The following SIPA1L2 variants were observed in gnomAD, a reference collection of about 807,000 sequenced individuals.
SIPA1L2 encodes the protein signal induced proliferation associated 1 like 2, also known as signal-induced proliferation-associated 1-like protein 2.
Under a neutral mutation model 163.9 loss-of-function variants are expected in SIPA1L2, and 56 were observed. The observed-to-expected ratio is 0.34, with a 90% CI of 0.28 to 0.43. The LOEUF (loss-of-function observed/expected upper bound fraction) is 0.43, where lower values mean the gene tolerates loss of function less well. Among genes scored for constraint, SIPA1L2 ranks in the 20% least tolerant of loss-of-function variants. SIPA1L2 has a pLI of 1.00. For synonymous variants in SIPA1L2, 877 were observed against 865.7 expected (o/e 1.01, Z -0.23); for missense variants, 1,974 against 2,193.5 (o/e 0.90, Z 2.00).
At chr1:232,629,362 G>A (rs1018709602) in intron 1 of SIPA1L2, among the ~76,000 whole-genome samples, 82 of 152,324 alleles carry the variant, frequency 5.4e-4, no homozygotes, top group African/African-American at 1.9e-3. Context: ...TGAGAAGAGC[G>A]CTCGCCGGAG....
intron 1 of SIPA1L2, among the ~76,000 whole-genome samples, chr1:232,620,712 T>C (rs1662758069): frequency 6.6e-6 from 1 of 152,242 alleles, no homozygotes; most frequent in East Asian, 1.9e-4. Flanking sequence ...CTATTCTGAC[T>C]GGCAAACTGC....
At chr1:232,568,288 C>A (rs889578768) in intron 2 of SIPA1L2, among the ~76,000 whole-genome samples, 2 of 152,154 alleles carry the variant, frequency 1.3e-5, no homozygotes, top group African/African-American at 4.8e-5. Flanking sequence ...GGGCCCTCAA[C>A]CTGTGGGATC....
intron 10 of SIPA1L2, among the ~76,000 whole-genome samples, chr1:232,452,147 TC>T (rs1268323286): frequency 2.0e-5 from 3 of 151,858 alleles, no homozygotes; most frequent in African/African-American, 7.3e-5. Flanking sequence ...ATCGTGGACT[TC>T]CTGGGATGGC....
intron 2 of SIPA1L2, among the ~76,000 whole-genome samples, chr1:232,520,858 C>A (rs1461003389): frequency 1.3e-5 from 2 of 152,126 alleles, no homozygotes; most frequent in Non-Finnish European, 2.9e-5. Flanking sequence ...ACCTAAAATG[C>A]ATTTACCAAA....
At chr1:232,538,897 T>C (rs770239044) in intron 2 of SIPA1L2, among the ~76,000 whole-genome samples, 6 of 152,210 alleles carry the variant, frequency 3.9e-5, no homozygotes, top group Non-Finnish European at 5.9e-5. Context: ...CAAGCGTATA[T>C]AGAATATCAT....
At chr1:232,511,459 T>C (rs546466332) in intron 3 of SIPA1L2, among the ~76,000 whole-genome samples, 2 of 152,366 alleles carry the variant, frequency 1.3e-5, no homozygotes, top group East Asian at 3.9e-4. Flanking sequence ...CTGATTCATG[T>C]TGTCATAATG....
chr1:232,591,249 C>T (rs1215582638), intron 1 of SIPA1L2, among the ~76,000 whole-genome samples: 1 of 152,226 alleles, frequency 6.6e-6, no homozygotes, highest in Non-Finnish European at 1.5e-5. Context: ...CATGTGATTC[C>T]CTATTTCCTT....
chr1:232,468,752 C>T (rs1393644900), intron 8 of SIPA1L2, among the ~76,000 whole-genome samples: 1 of 152,190 alleles, frequency 6.6e-6, no homozygotes, highest in Non-Finnish European at 1.5e-5. Context: ...TCACTCTTAG[C>T]TACCAAGACT....
intron 2 of SIPA1L2, among the ~76,000 whole-genome samples, chr1:232,550,866 G>A (rs1241346337): frequency 6.6e-6 from 1 of 152,154 alleles, no homozygotes; most frequent in Admixed American, 6.5e-5. Flanking sequence ...GAAAAAAGGG[G>A]GAAGAGCAAC....
intron 3 of SIPA1L2, among the ~76,000 whole-genome samples, chr1:232,498,836 C>T (rs1666327014): frequency 6.6e-6 from 1 of 152,210 alleles, no homozygotes; most frequent in Non-Finnish European, 1.5e-5. Flanking sequence ...AACTTAACCA[C>T]AACTGCAAAG....
intron 19 of SIPA1L2, among the ~76,000 whole-genome samples, chr1:232,407,783 A>G (rs1660726680): frequency 6.6e-6 from 1 of 152,182 alleles, no homozygotes; most frequent in Admixed American, 6.5e-5. Context: ...TTTGAAGCCT[A>G]TGTTCACTGA....
chr1:232,628,826 C>T (rs1246326251), intron 1 of SIPA1L2, among the ~76,000 whole-genome samples: 1 of 151,698 alleles, frequency 6.6e-6, no homozygotes, highest in Admixed American at 6.6e-5. Flanking sequence ...AGACTGCAGA[C>T]AAAAGAGGCA....
chr1:232,515,519 C>G lies in SIPA1L2; in HGVS notation c.-180G>C. 1 of 610,108 alleles carries G rather than the reference C, an allele frequency of 1.6e-6. No individual in the cohort carries two copies. Among genetic ancestry groups the G allele is most frequent in the Non-Finnish European group, 2.7e-6 (1 of 367,604 alleles). 37.8% of individuals were successfully genotyped at this position (610,108 alleles called of 1,614,324 possible). On this transcript the variant is annotated 5_prime_UTR_variant, in exon 3 of 23. Coordinates refer to ENST00000674635, the MANE Select transcript of SIPA1L2 (RefSeq NM_020808.5). ...ATACAGTTTCTTCAAAGCCAACTTG[C>G]TTCTCTGTTGTCGTAATAATGTTGT...
In SIPA1L2 at chr1:232,519,351, G is replaced by A. The variant is rs142974186; in HGVS notation, c.-269-3743C>T. On this transcript the variant is annotated intron_variant, in intron 2 of 22. Transcript: ENST00000674635. ...TGTCCTCTTGTGAGCGTGGCTACGC[G>A]GCTGTGTGCAGAGCTCCATTTTCTG... is the stretch of plus-strand genomic sequence containing the variant. Among the ~76,000 whole-genome samples, 146 of 152,286 alleles carry A rather than the reference G, an allele frequency of 9.6e-4. 1 individual carries two copies. Among genetic ancestry groups the A allele is most frequent in the African/African-American group, 3.3e-3 (138 of 41,552 alleles).
chr1:232,582,395 G>A (rs1660427627), intron 1 of SIPA1L2, among the ~76,000 whole-genome samples: 1 of 151,984 alleles, frequency 6.6e-6, no homozygotes, highest in African/African-American at 2.4e-5. Context: ...ACTTATTAAT[G>A]AGAACATGTA....
At chr1:232,530,037 G>A (rs1170180354) in intron 2 of SIPA1L2, among the ~76,000 whole-genome samples, 1 of 152,092 alleles carries the variant, frequency 6.6e-6, no homozygotes, top group Non-Finnish European at 1.5e-5. Flanking sequence ...GTCATTGAAG[G>A]TGAACCAACC....
At chr1:232,562,856 A>T (rs1659124376) in intron 2 of SIPA1L2, among the ~76,000 whole-genome samples, 1 of 152,212 alleles carries the variant, frequency 6.6e-6, no homozygotes, top group Non-Finnish European at 1.5e-5. Context: ...AACTGTGCAC[A>T]TTCTAGCACA....
rs534278740 is a variant in SIPA1L2, at chr1:232,588,174, G to C, written c.-318-13952C>G. Among the ~76,000 whole-genome samples, 11 of 152,326 alleles carry C rather than the reference G, an allele frequency of 7.2e-5. No individual in the cohort carries two copies. The South Asian group carries it at 2.3e-3, about 32-fold the overall frequency. ...CAGCATATACTGGTGGCTGTCGCAA[G>C]GGTCAGCACCTGTGGGGTGGACCTA... On this transcript the variant is annotated intron_variant, in intron 1 of 22. Transcript: ENST00000674635.
At chr1:232,536,657 C>T (rs1476191888) in intron 2 of SIPA1L2, among the ~76,000 whole-genome samples, 1 of 152,108 alleles carries the variant, frequency 6.6e-6, no homozygotes, top group African/African-American at 2.4e-5. Context: ...AAAAATAAAA[C>T]AAACAAACAA....
Sources: allele counts gnomAD v4.1 joint callset (sites outside exome capture counted in the v4.1 genomes callset), GRCh38; gene constraint gnomAD v4.1.1; transcripts MANE v1.5; gene names NCBI Gene and HGNC (gene_info 2026-07-23, HGNC 2026-07-21).